RAD51B: variants seen among roughly 807,000 people sequenced by gnomAD.
RAD51B encodes the protein RAD51 paralog B, also known as DNA repair protein RAD51 homolog 2.
RAD51B carries 38 observed loss-of-function variants against 42.2 expected under a neutral mutation model. The ratio of observed to expected loss-of-function variants is 0.90; its 90% confidence interval spans 0.70 to 1.18. The LOEUF (loss-of-function observed/expected upper bound fraction) is 1.18. Ranked by LOEUF, RAD51B falls within the 50% of genes most tolerant of loss-of-function variation. The probability of loss-of-function intolerance (pLI) is 0.00; values close to 1 mark genes in which losing one functional copy is unlikely to be tolerated. For missense variants in RAD51B, 373 were observed against 400.7 expected (o/e 0.93, Z 0.59); for synonymous variants, 154 against 145.2 (o/e 1.06, Z -0.43).
chr14:67,895,723 A>G (rs1022745599), intron 7 of RAD51B, among the ~76,000 whole-genome samples: 9 of 152,108 alleles, frequency 5.9e-5, no homozygotes, highest in African/African-American at 2.2e-4. Flanking sequence ...AGGATATGAT[A>G]TAATATTTAA....
chr14:68,356,093 A>G (rs1001056343), intron 8 of RAD51B, among the ~76,000 whole-genome samples: 10 of 152,208 alleles, frequency 6.6e-5, no homozygotes, highest in Admixed American at 2.0e-4. Flanking sequence ...AATAAAGTAA[A>G]TATTGCAATA....
intron 7 of RAD51B, among the ~76,000 whole-genome samples, chr14:67,921,934 G>A (rs1042534518): frequency 3.3e-5 from 5 of 152,032 alleles, no homozygotes; most frequent in African/African-American, 4.8e-5. Flanking sequence ...CATCCCCTCC[G>A]TGGTCAGTTC....
intron 7 of RAD51B, among the ~76,000 whole-genome samples, chr14:67,991,526 G>T (rs559638017): frequency 6.6e-6 from 1 of 152,132 alleles, no homozygotes; most frequent in Non-Finnish European, 1.5e-5. Context: ...ATAAAAATAC[G>T]GTTATGTTGT....
At chr14:67,991,865 C>T (rs552953691) in intron 7 of RAD51B, among the ~76,000 whole-genome samples, 2 of 152,050 alleles carry the variant, frequency 1.3e-5, no homozygotes, top group South Asian at 4.2e-4. Flanking sequence ...TAGGCTTAAC[C>T]AGCAAGATAA....
intron 4 of RAD51B, among the ~76,000 whole-genome samples, chr14:67,859,744 A>T (rs1226600184): frequency 6.6e-6 from 1 of 152,206 alleles, no homozygotes; most frequent in Non-Finnish European, 1.5e-5. Flanking sequence ...AATACAGTAC[A>T]TTATTAGTAA....
At chr14:68,461,109 A>G (rs1255614256) in intron 9 of RAD51B, among the ~76,000 whole-genome samples, 1 of 152,084 alleles carries the variant, frequency 6.6e-6, no homozygotes. Flanking sequence ...AAGAAAACTA[A>G]TAATTAGAGA....
chr14:68,652,019 A>G (rs927370673), intron 11 of RAD51B, among the ~76,000 whole-genome samples: 8 of 152,208 alleles, frequency 5.3e-5, no homozygotes, highest in African/African-American at 1.9e-4. Context: ...CTCAGTAAAC[A>G]CCATCACTCA....
intron 10 of RAD51B, chr14:68,470,716 G>T: frequency 2.3e-6 from 1 of 436,922 alleles, no homozygotes; most frequent in Non-Finnish European, 4.4e-6. Context: ...TATTTCTTGT[G>T]TGATTGTGTG....
intron 8 of RAD51B, among the ~76,000 whole-genome samples, chr14:68,358,978 A>G (rs1322265859): frequency 6.6e-6 from 1 of 152,206 alleles, no homozygotes; most frequent in Admixed American, 6.5e-5. Context: ...CTGCAGTACC[A>G]GCACAGAATG....
chr14:67,910,696 G>A (rs1481485406), intron 7 of RAD51B, among the ~76,000 whole-genome samples: 3 of 151,944 alleles, frequency 2.0e-5, no homozygotes, highest in Admixed American at 2.0e-4. Flanking sequence ...ACCTACATCT[G>A]AAGATAGCCT....
At chr14:67,943,803 G>A (rs1438638409) in intron 7 of RAD51B, among the ~76,000 whole-genome samples, 1 of 152,072 alleles carries the variant, frequency 6.6e-6, no homozygotes. Flanking sequence ...ATTGTGACAC[G>A]TGGGTTATAA....
chr14:68,565,948 G>A lies in RAD51B; in HGVS notation c.1037-28537G>A, dbSNP rs962459118. ...CCACAAGCCACTCTTGCTGAAGGAA[G>A]TGTGTCTGCTTTTATACCTTGGGTA... On this transcript the variant is annotated intron_variant, in intron 10 of 10. Coordinates refer to the RAD51B transcript ENST00000487270. This position sits in a 1 kb window ranked among gnomAD's most constrained non-coding sequence, Gnocchi z 4.1. Among the ~76,000 whole-genome samples, 1 of 152,192 alleles carries A rather than the reference G, an allele frequency of 6.6e-6. No homozygotes were observed.
intron 8 of RAD51B, among the ~76,000 whole-genome samples, chr14:68,324,771 T>G (rs2082218765): frequency 1.3e-5 from 2 of 152,184 alleles, no homozygotes; most frequent in African/African-American, 4.8e-5. Flanking sequence ...CTCTGGAGGT[T>G]TATATCACCT....
chr14:68,472,849 A>T (rs1263854878), intron 10 of RAD51B, among the ~76,000 whole-genome samples: 2 of 152,246 alleles, frequency 1.3e-5, no homozygotes, highest in African/African-American at 4.8e-5. Flanking sequence ...GATCTTTTTT[A>T]GAGCTGGAAA....
chr14:68,295,560 T>A (rs1194016643), intron 8 of RAD51B, among the ~76,000 whole-genome samples: 1 of 152,052 alleles, frequency 6.6e-6, no homozygotes, highest in Non-Finnish European at 1.5e-5. Flanking sequence ...AGATAGGAGC[T>A]CTTTTGATCT....
chr14:68,143,892 G>A (rs980451507), intron 7 of RAD51B, among the ~76,000 whole-genome samples: 2 of 151,968 alleles, frequency 1.3e-5, no homozygotes, highest in African/African-American at 4.8e-5. Context: ...TCTTTCCTTG[G>A]CAAATGTTAG....
At chr14:68,522,643 T>TG (rs1886660520) in intron 10 of RAD51B, among the ~76,000 whole-genome samples, 1 of 152,192 alleles carries the variant, frequency 6.6e-6, no homozygotes, top group Non-Finnish European at 1.5e-5. Flanking sequence ...AGCTGAAACC[T>TG]GCCTTTTTCA....
intron 7 of RAD51B, among the ~76,000 whole-genome samples, chr14:68,233,710 A>G (rs959488066): frequency 3.3e-5 from 5 of 152,260 alleles, no homozygotes; most frequent in African/African-American, 4.8e-5. Context: ...TGAAGCTTCA[A>G]GAATATATCA....
intron 7 of RAD51B, among the ~76,000 whole-genome samples, chr14:68,254,934 C>G (rs2080720839): frequency 6.6e-6 from 1 of 152,178 alleles, no homozygotes; most frequent in Admixed American, 6.6e-5. Context: ...ATATTCCTCT[C>G]TAGTGCTTTG....
Sources: gnomAD v4.1 joint callset for allele counts (sites outside exome capture counted in the v4.1 genomes callset) on GRCh38, gnomAD v4.1.1 for gene constraint, Gnocchi (gnomAD v3.1) non-coding constraint, MANE v1.5 for transcripts, NCBI Gene and HGNC (gene_info 2026-07-23, HGNC 2026-07-21) for gene names.